The following BTBD9 variants were observed in gnomAD, a reference collection of about 807,000 sequenced individuals.
BTBD9 encodes BTB domain containing 9, also known as BTB/POZ domain-containing protein 9.
BTBD9 carries 49 observed loss-of-function variants against 64.3 expected under a neutral mutation model. That is an observed-to-expected ratio of 0.76 (90% CI 0.61 to 0.97). BTBD9 has a LOEUF of 0.97. Among genes scored for constraint, BTBD9 ranks in the 50% least tolerant of loss-of-function variants. The pLI is 0.00. For missense variants in BTBD9, 598 were observed against 762.1 expected, an observed-to-expected ratio of 0.78 and a Z score of 2.53; for synonymous variants, 260 against 274.7, an observed-to-expected ratio of 0.95 and a Z score of 0.53.
intron 9 of BTBD9, among the ~76,000 whole-genome samples, chr6:38,235,981 G>A (rs2127520672): frequency 6.6e-6 from 1 of 152,294 alleles, no homozygotes; most frequent in African/African-American, 2.4e-5. Context: ...GAAAGGGTAG[G>A]CTTTATCAGC....
At chr6:38,222,036 T>A (rs910522112) in intron 9 of BTBD9, among the ~76,000 whole-genome samples, 11 of 152,092 alleles carry the variant, frequency 7.2e-5, no homozygotes, top group Non-Finnish European at 1.5e-4. Flanking sequence ...TGATCTCATT[T>A]ATCTTCCAAA....
At chr6:38,298,601 TTCTA>T (rs762958737) in intron 7 of BTBD9, among the ~76,000 whole-genome samples, 11 of 152,290 alleles carry the variant, frequency 7.2e-5, no homozygotes, top group Middle Eastern at 3.4e-3. Flanking sequence ...AACTGATTCC[TTCTA>T]TCTAACTGTA....
chr6:38,396,323 A>G (rs192744354), intron 6 of BTBD9, among the ~76,000 whole-genome samples: 94 of 152,308 alleles, frequency 6.2e-4, no homozygotes, highest in Admixed American at 9.2e-4. Flanking sequence ...CTGAATGTGA[A>G]CCTACTATGT....
chr6:38,585,192 G>T (rs1308651210), intron 4 of BTBD9, among the ~76,000 whole-genome samples: 3 of 152,154 alleles, frequency 2.0e-5, no homozygotes, highest in African/African-American at 7.2e-5. Context: ...CATTAGAGAT[G>T]ATTTATACAT....
At chr6:38,326,767 A>AG (rs1763455979) in intron 7 of BTBD9, among the ~76,000 whole-genome samples, 1 of 151,844 alleles carries the variant, frequency 6.6e-6, no homozygotes, top group Non-Finnish European at 1.5e-5. Context: ...CAAAAAAAAA[A>AG]AAAAACAGCT....
At chr6:38,551,124 GCTTT>G (rs1322353607) in intron 6 of BTBD9, among the ~76,000 whole-genome samples, 2 of 132,470 alleles carry the variant, frequency 1.5e-5, no homozygotes, top group East Asian at 3.9e-4. Context: ...CCTCTTCCCT[GCTTT>G]ATTTATTTTG....
intron 6 of BTBD9, among the ~76,000 whole-genome samples, chr6:38,477,454 T>C (rs1770935225): frequency 6.6e-6 from 1 of 152,206 alleles, no homozygotes; most frequent in Non-Finnish European, 1.5e-5. Flanking sequence ...AATAAGATGC[T>C]CAGAAGCAAG....
In BTBD9 at chr6:38,257,039, A is replaced by T. The variant is rs573075039; in HGVS notation, c.1455-523T>A. On this transcript the variant is annotated intron_variant, in intron 8 of 10. Coordinates refer to ENST00000481247, the MANE Select transcript of BTBD9 (RefSeq NM_001099272.2). ...ATCCTCCCACCTCAGCCTCCTGAGT[A>T]GCTGGGACTATAGTTGCACACTTCT... is the stretch of plus-strand genomic sequence containing the variant. Among the ~76,000 whole-genome samples the T allele has an allele frequency of 9.0e-5, 13 of 144,312 alleles. 1 individual carries two copies. In the South Asian group the frequency reaches 2.9e-3, roughly 33 times the overall value. 94.7% of individuals were successfully genotyped at this position (144,312 alleles called of 152,430 possible). A position where few individuals can be genotyped will look rare whatever the true frequency, so the allele number is the denominator to read the frequency against.
intron 6 of BTBD9, among the ~76,000 whole-genome samples, chr6:38,497,465 G>C (rs1455020855): frequency 6.6e-6 from 1 of 152,076 alleles, no homozygotes; most frequent in Non-Finnish European, 1.5e-5. Flanking sequence ...CCTAACCATA[G>C]CATTAGAACG....
At chr6:38,190,047 A>G (rs192378897) in intron 10 of BTBD9, among the ~76,000 whole-genome samples, 215 of 151,768 alleles carry the variant, frequency 1.4e-3, no homozygotes, top group Middle Eastern at 6.9e-3. Context: ...CCTGGGCTCA[A>G]GCGAACCTGT....
intron 6 of BTBD9, among the ~76,000 whole-genome samples, chr6:38,395,462 C>T (rs549369023): frequency 9.2e-5 from 14 of 152,214 alleles, no homozygotes; most frequent in Admixed American, 2.0e-4. Flanking sequence ...CATGTGAGGC[C>T]ACTGCTAGAA....
intron 4 of BTBD9, among the ~76,000 whole-genome samples, chr6:38,581,944 T>C (rs1776302018): frequency 6.6e-6 from 1 of 152,174 alleles, no homozygotes; most frequent in Admixed American, 6.5e-5. Context: ...TGTAAAAAAA[T>C]ACCGAATTCT....
At chr6:38,403,770 A>T (rs1268467586) in intron 6 of BTBD9, among the ~76,000 whole-genome samples, 1 of 152,242 alleles carries the variant, frequency 6.6e-6, no homozygotes, top group South Asian at 2.1e-4. Flanking sequence ...ATACAAGAAC[A>T]TGTACATAAA....
intron 7 of BTBD9, among the ~76,000 whole-genome samples, chr6:38,344,637 A>G (rs1331029062): frequency 2.0e-5 from 3 of 152,198 alleles, no homozygotes; most frequent in Non-Finnish European, 4.4e-5. Flanking sequence ...CATCCAATCA[A>G]TATCATACAG....
At chr6:38,191,562 G>C (rs979515602) in intron 10 of BTBD9, among the ~76,000 whole-genome samples, 4 of 152,250 alleles carry the variant, frequency 2.6e-5, no homozygotes, top group African/African-American at 9.6e-5. Context: ...GCCCCTCACA[G>C]GCACCCAGGG....
At chr6:38,202,531 G>T (rs1762503329) in intron 9 of BTBD9, among the ~76,000 whole-genome samples, 1 of 152,078 alleles carries the variant, frequency 6.6e-6, no homozygotes, top group African/African-American at 2.4e-5. Flanking sequence ...TATAGTACAA[G>T]GCTATAGTAA....
At chr6:38,504,206 C>G (rs760184296) in intron 6 of BTBD9, among the ~76,000 whole-genome samples, 3 of 152,206 alleles carry the variant, frequency 2.0e-5, no homozygotes, top group Non-Finnish European at 4.4e-5. Context: ...CAAGTAACTG[C>G]ATACGGCTAG....
Position 38,295,690 on chromosome 6 carries a change from C to T in BTBD9, c.1265-7229G>A, listed in dbSNP as rs547493988. On this transcript the variant is annotated intron_variant, in intron 7 of 10. Coordinates refer to ENST00000481247, the MANE Select transcript of BTBD9 (RefSeq NM_001099272.2). ...AGTGAACAGCCCATCCTTTCCCCCACTAATTTATGTTACTTTAGTCACATA... is the reference window on the plus strand; with the variant it reads ...AGTGAACAGCCCATCCTTTCCCCCATTAATTTATGTTACTTTAGTCACATA... Among the ~76,000 whole-genome samples, 10 of 152,292 alleles carry T rather than the reference C, an allele frequency of 6.6e-5. No individual in the cohort carries two copies. The South Asian group carries it at 2.1e-3, about 32-fold the overall frequency.
At chr6:38,589,153 A>C (rs1277338741) in intron 4 of BTBD9, among the ~76,000 whole-genome samples, 1 of 152,214 alleles carries the variant, frequency 6.6e-6, no homozygotes, top group Non-Finnish European at 1.5e-5. Flanking sequence ...TTCAAAGTGA[A>C]GAATTTAACA....
Sources: allele counts gnomAD v4.1 joint callset (sites outside exome capture counted in the v4.1 genomes callset), GRCh38; gene constraint gnomAD v4.1.1; transcripts MANE v1.5; gene names NCBI Gene and HGNC (gene_info 2026-07-23, HGNC 2026-07-21).